AGFG1: variants seen among roughly 807,000 people sequenced by gnomAD.
AGFG1 encodes arf-GAP domain and FG repeat-containing protein 1.
A neutral mutation model predicts 60.6 loss-of-function variants in AGFG1; 10 were observed. That is an observed-to-expected ratio of 0.16 (90% CI 0.10 to 0.28). The LOEUF is 0.28. Among genes scored for constraint, AGFG1 ranks in the 10% least tolerant of loss-of-function variants. The probability of loss-of-function intolerance (pLI) is 1.00; values close to 1 mark genes in which losing one functional copy is unlikely to be tolerated. For missense variants in AGFG1, 537 were observed against 676.5 expected, an observed-to-expected ratio of 0.79 and a Z score of 2.29; for synonymous variants, 247 against 242.9, an observed-to-expected ratio of 1.02 and a Z score of -0.16.
chr2:227,531,222 C>G lies in AGFG1; in HGVS notation c.814+12C>G. The G allele has an allele frequency of 6.2e-7, 1 of 1,609,798 alleles. No individual in the cohort carries two copies. The highest frequency in any genetic ancestry group is 1.3e-5 in the African/African-American group (1 of 74,798). The stretch of plus-strand genomic sequence containing the variant: ...GCCCCAAACTACAGGTAGAGCTTCT[C>G]CAGCATTGTGCTTAAATGTTTACTT... On this transcript the variant is annotated intron_variant, in intron 6 of 12. Transcript: ENST00000310078.
intron 1 of AGFG1, among the ~76,000 whole-genome samples, chr2:227,490,849 C>G (rs1690794228): frequency 6.6e-6 from 1 of 152,132 alleles, no homozygotes; most frequent in Admixed American, 6.5e-5. Context: ...CCTTTTAAGG[C>G]CATCCATACA....
intron 1 of AGFG1, among the ~76,000 whole-genome samples, chr2:227,485,680 C>CTT (rs60438595): frequency 0.84 from 128,409 of 152,032 alleles, 54,347 homozygotes; most frequent in African/African-American, 0.91. Context: ...TTAATTCTCT[C>CTT]TAGTTATGTC....
At chr2:227,525,795 A>T (rs1413768841) in intron 5 of AGFG1, among the ~76,000 whole-genome samples, 2 of 152,126 alleles carry the variant, frequency 1.3e-5, no homozygotes, top group Non-Finnish European at 2.9e-5. Context: ...GTGGCTGGGG[A>T]TATTCTTACT....
Position 227,554,548 on chromosome 2 carries a change from C to G in AGFG1, c.*53C>G. ...ACTTTTATGTGGTCACATTACATCTCTCCACCTCTTGCACTGTTGTCTTGT... is the reference window on the plus strand; with the variant it reads ...ACTTTTATGTGGTCACATTACATCTGTCCACCTCTTGCACTGTTGTCTTGT... On this transcript the variant is annotated 3_prime_UTR_variant, in exon 13 of 13. Transcript: ENST00000310078. 1 of 1,405,216 alleles carries G rather than the reference C, an allele frequency of 7.1e-7. No individual in the cohort carries two copies. Among genetic ancestry groups the G allele is most frequent in the Non-Finnish European group, 1.0e-6 (1 of 997,972 alleles). 87.0% of individuals were successfully genotyped at this position (1,405,216 alleles called of 1,614,324 possible). A position where few individuals can be genotyped will look rare whatever the true frequency, so the allele number is the denominator to read the frequency against.
intron 10 of AGFG1, among the ~76,000 whole-genome samples, chr2:227,544,415 A>G (rs1464711216): frequency 2.6e-5 from 4 of 152,008 alleles, no homozygotes; most frequent in East Asian, 1.9e-4. Flanking sequence ...TGGCCTCCCA[A>G]AGTCAGTCTG....
intron 2 of AGFG1, among the ~76,000 whole-genome samples, chr2:227,516,330 G>A (rs1320648502): frequency 6.6e-6 from 1 of 152,176 alleles, no homozygotes. Context: ...CTGATTTACG[G>A]AACTGGGAAT....
chr2:227,525,649 C>T (rs912430235), intron 5 of AGFG1, among the ~76,000 whole-genome samples: 2 of 152,316 alleles, frequency 1.3e-5, no homozygotes, highest in East Asian at 3.9e-4. Flanking sequence ...TTGTCCTATA[C>T]AGTTTTCAGT....
At chr2:227,526,995 C>A (rs538262669) in intron 5 of AGFG1, among the ~76,000 whole-genome samples, 1 of 152,122 alleles carries the variant, frequency 6.6e-6, no homozygotes, top group Non-Finnish European at 1.5e-5. Flanking sequence ...AACAAGCATG[C>A]AAACCTTGCA....
rs80262037 is a variant in AGFG1, at chr2:227,548,387, G to T, written c.1379-3572G>T. Among the ~76,000 whole-genome samples, 184 of 152,320 alleles carry T rather than the reference G, an allele frequency of 1.2e-3. 1 individual carries two copies. The East Asian group carries it at 0.02, about 17-fold the overall frequency. The stretch of plus-strand genomic sequence containing the variant: ...GTAAAAAGTCTAAAAAAAGTTTAGA[G>T]CAGTTCAGGACCAGAGCTTGGGGGG... On this transcript the variant is annotated intron_variant, in intron 10 of 12. Transcript: ENST00000310078.
intron 2 of AGFG1, among the ~76,000 whole-genome samples, chr2:227,504,582 G>T (rs892733088): frequency 6.6e-6 from 1 of 152,226 alleles, no homozygotes; most frequent in Non-Finnish European, 1.5e-5. Flanking sequence ...ATTTTAAAGT[G>T]ATCATTTTCC....
At chr2:227,489,867 G>A (rs1280122887) in intron 1 of AGFG1, among the ~76,000 whole-genome samples, 1 of 151,500 alleles carries the variant, frequency 6.6e-6, no homozygotes, top group African/African-American at 2.4e-5. Context: ...CCAGGATGGA[G>A]TGCAGTGGCA....
chr2:227,498,413 G>A (rs985098455), intron 2 of AGFG1, among the ~76,000 whole-genome samples: 1 of 152,126 alleles, frequency 6.6e-6, no homozygotes, highest in Non-Finnish European at 1.5e-5. Flanking sequence ...TTCCTAGAGG[G>A]ATATCTCAGG....
chr2:227,525,883 T>C (rs1691975414), intron 5 of AGFG1, among the ~76,000 whole-genome samples: 1 of 152,216 alleles, frequency 6.6e-6, no homozygotes, highest in Non-Finnish European at 1.5e-5. Flanking sequence ...CCCGAGTCCA[T>C]TGCATAAAAA....
chr2:227,508,580 T>C, intron 2 of AGFG1: 1 of 468,264 alleles, frequency 2.1e-6, no homozygotes, highest in South Asian at 1.6e-5. Context: ...TAATTTTTCC[T>C]TGAAACCTTG....
At chr2:227,552,487 G>A (rs1004832946) in intron 11 of AGFG1, among the ~76,000 whole-genome samples, 104 of 152,100 alleles carry the variant, frequency 6.8e-4, no homozygotes, top group African/African-American at 2.5e-3. Context: ...ACAGAAATGT[G>A]TACCTTTTTG....
rs536058628 is a variant in AGFG1, at chr2:227,506,817, T to C, written c.262-13131T>C. On this transcript the variant is annotated intron_variant, in intron 2 of 12. Coordinates refer to ENST00000310078, the MANE Select transcript of AGFG1 (RefSeq NM_004504.5). ...TCATTCTTATTCTCTGCCCTCCTGCTAACCAAGTCATTTATTCCACCTTCT... is the reference window on the plus strand; with the variant it reads ...TCATTCTTATTCTCTGCCCTCCTGCCAACCAAGTCATTTATTCCACCTTCT... 6.6e-5 allele frequency among the ~76,000 whole-genome samples: 10 copies of C among 152,304 alleles called. No homozygotes were observed. The South Asian group carries it at 2.1e-3, about 32-fold the overall frequency.
intron 8 of AGFG1, among the ~76,000 whole-genome samples, chr2:227,535,722 G>C (rs1482497690): frequency 1.3e-5 from 2 of 152,200 alleles, no homozygotes; most frequent in African/African-American, 4.8e-5. Flanking sequence ...TATCCTGGTA[G>C]CTTATTTTCC....
chr2:227,474,096 A>G (rs1401879764), intron 1 of AGFG1, among the ~76,000 whole-genome samples: 1 of 152,230 alleles, frequency 6.6e-6, no homozygotes, highest in African/African-American at 2.4e-5. Context: ...ATATTCTCGA[A>G]TTACTACAGA....
intron 11 of AGFG1, 65 bp downstream of exon 11, chr2:227,552,182 T>A: frequency 6.3e-7 from 1 of 1,579,872 alleles, no homozygotes. Flanking sequence ...CATAATGTTG[T>A]GTGCTTGGGC....
Sources: allele counts gnomAD v4.1 joint callset (sites outside exome capture counted in the v4.1 genomes callset), GRCh38; gene constraint gnomAD v4.1.1; transcripts MANE v1.5; gene names NCBI Gene and HGNC (gene_info 2026-07-23, HGNC 2026-07-21).